Variants in MPV17L2 observed in about 807,000 individuals in gnomAD.
MPV17L2 encodes MPV17 mitochondrial inner membrane protein like 2.
MPV17L2 carries 25 observed loss-of-function variants against 24.2 expected under a neutral mutation model. The observed-to-expected ratio is 1.03, with a 90% CI of 0.75 to 1.44. The LOEUF (loss-of-function observed/expected upper bound fraction) is 1.44. MPV17L2 is among the 40% of genes most tolerant of loss of function. MPV17L2 has a pLI of 0.00. For missense variants in MPV17L2, 271 were observed against 276.2 expected (o/e 0.98, Z 0.13); for synonymous variants, 130 against 121.4 (o/e 1.07, Z -0.46).
At position 18,196,294 on chromosome 19, in the gene MPV17L2, C is replaced by T; in HGVS notation, c.*239C>T. On this transcript the variant is annotated 3_prime_UTR_variant, in exon 5 of 5. Coordinates refer to ENST00000599612, the MANE Select transcript of MPV17L2 (RefSeq NM_032683.3). ...CCCTAGCCCTTCTCAGCAGGAACCTCATGCGACCTGTGACCAAGATGTCCC... is the reference window on the plus strand; with the variant it reads ...CCCTAGCCCTTCTCAGCAGGAACCTTATGCGACCTGTGACCAAGATGTCCC... 6.7e-7 allele frequency: 1 copy of T among 1,485,396 alleles called. No homozygotes were observed. Among genetic ancestry groups the T allele is most frequent in the Non-Finnish European group, 9.0e-7 (1 of 1,114,784 alleles). The allele number at this position is 1,485,396 out of a possible 1,614,324, so 92.0% of individuals were successfully genotyped here.
At chr19:18,195,888 C>T (rs1967508754) in intron 4 of MPV17L2, 111 bp from the exon 5 acceptor site, 9 of 1,022,386 alleles carry the variant, frequency 8.8e-6, no homozygotes, top group African/African-American at 1.6e-5. Flanking sequence ...GACCTCAGCC[C>T]GGTCCCTGCC....
rs1967519394 is a variant in MPV17L2 at position 18,196,309 on chromosome 19, C to T, written c.*254C>T. ...GCAGGAACCTCATGCGACCTGTGAC[C>T]AAGATGTCCCATCCTCAGCACAGGG... On this transcript the variant is annotated 3_prime_UTR_variant, in exon 5 of 5. Transcript: ENST00000599612. 1 of 1,448,844 alleles carries T rather than the reference C, an allele frequency of 6.9e-7. No homozygotes were observed. Among genetic ancestry groups the T allele is most frequent in the Non-Finnish European group, 9.2e-7 (1 of 1,091,160 alleles). The allele number at this position is 1,448,844 out of a possible 1,614,324, so 89.7% of individuals were successfully genotyped here.
In MPV17L2 at chr19:18,193,415, A is replaced by G; in HGVS notation, c.134A>G (p.Gln45Arg). 2.6e-6 allele frequency: 4 copies of G among 1,562,382 alleles called. No homozygotes were observed. Among genetic ancestry groups the G allele is most frequent in the Non-Finnish European group, 3.4e-6 (4 of 1,163,438 alleles). Residue 45 changes from glutamine to arginine, a missense_variant, in exon 1 of 5, where the codon CAG becomes CGG. Physicochemically the swap from Gln to Arg is conservative, Grantham distance 43 (BLOSUM62 1). Transcript: ENST00000599612. Reference sequence around the variant, plus strand: ...ATGGCGGCCGGTGATGGCGTGCGCCAGTCCTGGGAGATCCGCGCCCGGCCC... The same window carrying G: ...ATGGCGGCCGGTGATGGCGTGCGCCGGTCCTGGGAGATCCGCGCCCGGCCC... The part of the protein sequence containing the change: ...ALMAAGDGVR[Q>R]SWEIRARPGQ...
At chr19:18,195,122 T>TC (rs1353551897) in intron 4 of MPV17L2, 36 bp downstream of exon 4, 1 of 1,602,016 alleles carries the variant, frequency 6.2e-7, no homozygotes, top group Non-Finnish European at 8.5e-7. Context: ...CCCAGGGGAC[T>TC]CCCCAGGGGG....
intron 2 of MPV17L2, 85 bp downstream of exon 2, chr19:18,194,119 G>C: frequency 6.8e-7 from 1 of 1,471,728 alleles, no homozygotes; most frequent in Non-Finnish European, 9.2e-7. Context: ...ATGCAGAGGT[G>C]CATTTCCAAT....
chr19:18,196,515 AGCCTCTG>A lies in MPV17L2; in HGVS notation c.*461_*467del. 1 of 1,066,506 alleles carries A rather than the reference AGCCTCTG, an allele frequency of 9.4e-7. No individual in the cohort carries two copies. Among genetic ancestry groups the A allele is most frequent in the Non-Finnish European group, 1.2e-6 (1 of 800,394 alleles). The allele number at this position is 1,066,506 out of a possible 1,614,324, so 66.1% of individuals were successfully genotyped here. ...CCAAAAGTTTCACATAGGGCCAGGC[AGCCTCTG>A]TGTTTCTTTCCCTGGTCCTGAACTG... On this transcript the variant is annotated 3_prime_UTR_variant, in exon 5 of 5. Transcript: ENST00000599612.
chr19:18,194,109 A>T, intron 2 of MPV17L2, 75 bp downstream of exon 2: 1 of 1,507,740 alleles, frequency 6.6e-7, no homozygotes, highest in Non-Finnish European at 9.0e-7. Flanking sequence ...GTTAAGAAGG[A>T]TGCAGAGGTG....
chr19:18,193,323 C>T lies in MPV17L2; in HGVS notation c.42C>T (p.Ser14=). ...GGCGCCGGCTACGCCGCCTGTTATC[C>T]GCGGGGCAGCTTCTATTCCAGGGCC... ...GGWRRLRRLL[S]AGQLLFQGRA... The change falls in exon 1 of 5, where the codon TCC becomes TCT. Residue 14 remains serine (S), a synonymous_variant. Transcript: ENST00000599612. 6.4e-7 allele frequency: 1 copy of T among 1,555,920 alleles called. No homozygotes were observed. The highest frequency in any genetic ancestry group is 1.2e-5 in the South Asian group (1 of 84,918).
rs1311650024 is a variant in MPV17L2, at chr19:18,195,889, G to T, written c.565-110G>T. The T allele has an allele frequency of 1.2e-5, 12 of 1,028,398 alleles. No homozygotes were observed. In the Admixed American group the frequency reaches 2.3e-4, roughly 20 times the overall value. The allele number at this position is 1,028,398 out of a possible 1,614,324, so 63.7% of individuals were successfully genotyped here. On this transcript the variant is annotated intron_variant, in intron 4 of 4. Coordinates refer to ENST00000599612, the MANE Select transcript of MPV17L2 (RefSeq NM_032683.3). Reference sequence around the variant, plus strand: ...CTGCTGTCTGATGTGACCTCAGCCCGGTCCCTGCCAAGTCTGTTGAGCAGG... The same window carrying T: ...CTGCTGTCTGATGTGACCTCAGCCCTGTCCCTGCCAAGTCTGTTGAGCAGG...
intron 3 of MPV17L2, 39 bp from the exon 4 acceptor site, chr19:18,194,919 G>T: frequency 2.5e-6 from 3 of 1,219,208 alleles, no homozygotes; most frequent in South Asian, 2.4e-5. Context: ...CCCCCGCCCA[G>T]CTCTGGCCCC....
At position 18,194,782 on chromosome 19, in the gene MPV17L2, G is replaced by C. The variant is rs1378717998; in HGVS notation, c.364G>C (p.Gly122Arg). The C allele has an allele frequency of 1.2e-6, 2 of 1,608,382 alleles. No homozygotes were observed. Among genetic ancestry groups the C allele is most frequent in the Non-Finnish European group, 1.7e-6 (2 of 1,178,040 alleles). ...TTTCTTGGTTTGCTTCCCAGGCCTT[G>C]GCTGCCTGGAGGGTCAGACAGTGGG... is the stretch of plus-strand genomic sequence containing the variant. ...LLGVWYFLGL[G>R]CLEGQTVGES... is the part of the protein sequence containing the mutation. The change falls in exon 3 of 5, where the codon GGC (glycine) becomes CGC (arginine). Residue 122 changes from glycine (G) to arginine (R), a missense_variant. Physicochemically the swap from Gly to Arg is moderately radical, Grantham distance 125. Coordinates refer to ENST00000599612, the MANE Select transcript of MPV17L2 (RefSeq NM_032683.3).
chr19:18,196,832 G>A lies in MPV17L2; in HGVS notation c.*777G>A. The A allele has an allele frequency of 4.0e-6, 1 of 248,826 alleles. No individual in the cohort carries two copies. The highest frequency in any genetic ancestry group is 7.8e-6 in the Non-Finnish European group (1 of 127,746). The allele number at this position is 248,826 out of a possible 1,614,324, so 15.4% of individuals were successfully genotyped here. A position where few individuals can be genotyped will look rare whatever the true frequency, so the allele number is the denominator to read the frequency against. ...CCATTCGCTTTATTGGGTGCGTGTA[G>A]TGTTGTCATGACATCTCCTAAGGAA... is the stretch of plus-strand genomic sequence containing the variant. On this transcript the variant is annotated 3_prime_UTR_variant, in exon 5 of 5. Transcript: ENST00000599612.
intron 2 of MPV17L2, chr19:18,194,265 G>A: frequency 1.8e-6 from 1 of 555,584 alleles, no homozygotes; most frequent in Non-Finnish European, 3.2e-6. Flanking sequence ...GCGGGAGGTT[G>A]AGAGCATTTC....
At position 18,193,236 on chromosome 19, in the gene MPV17L2, G is replaced by A. The variant is rs181762722; in HGVS notation, c.-46G>A. 1 of 1,424,700 alleles carries A rather than the reference G, an allele frequency of 7.0e-7. No individual in the cohort carries two copies. 88.3% of individuals were successfully genotyped at this position (1,424,700 alleles called of 1,614,324 possible). A position where few individuals can be genotyped will look rare whatever the true frequency, so the allele number is the denominator to read the frequency against. On this transcript the variant is annotated 5_prime_UTR_variant, in exon 1 of 5. Transcript: ENST00000599612. ...CGACAGTGACTCGCGACTGGTCGGC[G>A]CGGCGAAAGCAGAGCGGCGCGCCGG...
chr19:18,195,930 A>G (rs1305945094), intron 4 of MPV17L2, 69 bp from the exon 5 acceptor site: 1 of 1,493,924 alleles, frequency 6.7e-7, no homozygotes, highest in Non-Finnish European at 9.1e-7. Flanking sequence ...CCTCTGGCCC[A>G]AGGGCAGGTA....
Position 18,196,351 on chromosome 19 carries a change from G to A in MPV17L2, c.*296G>A. 3.6e-6 allele frequency: 5 copies of A among 1,374,246 alleles called. No homozygotes were observed. Among genetic ancestry groups the A allele is most frequent in the Non-Finnish European group, 4.8e-6 (5 of 1,043,448 alleles). 85.1% of individuals were successfully genotyped at this position (1,374,246 alleles called of 1,614,324 possible). A position where few individuals can be genotyped will look rare whatever the true frequency, so the allele number is the denominator to read the frequency against. On this transcript the variant is annotated 3_prime_UTR_variant, in exon 5 of 5. Transcript: ENST00000599612. ...AGCACAGGGCCCACTCTGCCAACCAGTCTCAAGCACCAGCCCCTCAACACT... is the reference window on the plus strand; with the variant it reads ...AGCACAGGGCCCACTCTGCCAACCAATCTCAAGCACCAGCCCCTCAACACT...
chr19:18,196,725 A>C lies in MPV17L2; in HGVS notation c.*670A>C, dbSNP rs1967526417. 1 of 318,234 alleles carries C rather than the reference A, an allele frequency of 3.1e-6. No individual in the cohort carries two copies. Among genetic ancestry groups the C allele is most frequent in the Non-Finnish European group, 6.2e-6 (1 of 161,884 alleles). 19.7% of individuals were successfully genotyped at this position (318,234 alleles called of 1,614,324 possible). On this transcript the variant is annotated 3_prime_UTR_variant, in exon 5 of 5. Coordinates refer to ENST00000599612, the MANE Select transcript of MPV17L2 (RefSeq NM_032683.3). ...CCTGTCTCTATTTATATTGAAAAAT[A>C]AAAATAACAAAAGAAAATGCTGTGG... is the stretch of plus-strand genomic sequence containing the variant.
intron 4 of MPV17L2, among the ~76,000 whole-genome samples, chr19:18,195,788 G>C (rs1967506800): frequency 1.3e-5 from 2 of 152,222 alleles, no homozygotes; most frequent in Admixed American, 1.3e-4. Context: ...AGTGAGCCGA[G>C]ATCGCGCCAC....
Position 18,196,434 on chromosome 19 carries a change from C to A in MPV17L2, c.*379C>A. 7.7e-7 allele frequency: 1 copy of A among 1,304,334 alleles called. No homozygotes were observed. The highest frequency in any genetic ancestry group is 1.2e-5 in the South Asian group (1 of 81,140). 80.8% of individuals were successfully genotyped at this position (1,304,334 alleles called of 1,614,324 possible). Reference sequence around the variant, plus strand: ...TCCAGAGCTCCCTCAGGTCCTGGGACTAAGGCGGGGACATGACTGATCCCC... The same window carrying A: ...TCCAGAGCTCCCTCAGGTCCTGGGAATAAGGCGGGGACATGACTGATCCCC... On this transcript the variant is annotated 3_prime_UTR_variant, in exon 5 of 5. Coordinates refer to ENST00000599612, the MANE Select transcript of MPV17L2 (RefSeq NM_032683.3).
Sources: gnomAD v4.1 joint callset for allele counts (sites outside exome capture counted in the v4.1 genomes callset) on GRCh38, gnomAD v4.1.1 for gene constraint, MANE v1.5 for transcripts, NCBI Gene and HGNC (gene_info 2026-07-23, HGNC 2026-07-21) for gene names.